Variants in FNBP4 observed in about 807,000 individuals in gnomAD.
FNBP4 encodes formin-binding protein 4.
A neutral mutation model predicts 119.3 loss-of-function variants in FNBP4; 34 were observed. The ratio of observed to expected loss-of-function variants is 0.28; its 90% confidence interval spans 0.22 to 0.38. The LOEUF is 0.38. FNBP4 is among the 10% of genes least tolerant of loss of function. The pLI, the probability that FNBP4 is intolerant of heterozygous loss-of-function variation, is 1.00. For synonymous variants in FNBP4, 462 were observed against 430.6 expected (o/e 1.07, Z -0.90); for missense variants, 1,112 against 1,228.9 (o/e 0.90, Z 1.42).
intron 6 of FNBP4, among the ~76,000 whole-genome samples, chr11:47,749,965 T>C (rs1298848892): frequency 6.6e-6 from 1 of 152,270 alleles, no homozygotes; most frequent in East Asian, 1.9e-4. Flanking sequence ...ATGTCTTATA[T>C]ATGGAATCCG....
intron 2 of FNBP4, 93 bp from the exon 3 acceptor site, chr11:47,754,757 C>G (rs1234412946): frequency 2.8e-6 from 4 of 1,409,824 alleles, no homozygotes; most frequent in Non-Finnish European, 3.9e-6. Flanking sequence ...TTTTTTTAAA[C>G]TTACTTACAG....
chr11:47,722,925 C>A, intron 15 of FNBP4, 51 bp downstream of exon 15: 1 of 1,446,072 alleles, frequency 6.9e-7, no homozygotes, highest in South Asian at 1.5e-5. Context: ...GTGAATATAA[C>A]CTCAATAAAA....
intron 2 of FNBP4, among the ~76,000 whole-genome samples, chr11:47,756,471 T>C (rs184075445): frequency 6.6e-6 from 1 of 152,308 alleles, no homozygotes; most frequent in East Asian, 1.9e-4. Flanking sequence ...ATTAATCATG[T>C]AGGAGTTCAT....
intron 8 of FNBP4, 59 bp from the exon 9 acceptor site, chr11:47,736,799 C>T (rs2135138388): frequency 4.9e-6 from 7 of 1,415,498 alleles, no homozygotes; most frequent in Non-Finnish European, 6.8e-6. Flanking sequence ...ACACTATATA[C>T]CTTTTCCCCC....
chr11:47,732,764 C>T lies in FNBP4; in HGVS notation c.1687-94G>A. 1 of 1,182,190 alleles carries T rather than the reference C, an allele frequency of 8.5e-7. No individual in the cohort carries two copies. The highest frequency in any genetic ancestry group is 1.2e-6 in the Non-Finnish European group (1 of 805,504). 73.2% of individuals were successfully genotyped at this position (1,182,190 alleles called of 1,614,324 possible). ...TAAACCTTCTGCTCCAAGACTATATCCCTGTGCTCTGGCAGGACAGTAGAC... is the reference window on the plus strand; with the variant it reads ...TAAACCTTCTGCTCCAAGACTATATTCCTGTGCTCTGGCAGGACAGTAGAC... On this transcript the variant is annotated intron_variant, in intron 10 of 16. Transcript: ENST00000263773. This position sits in a 1 kb window ranked among gnomAD's most constrained non-coding sequence, Gnocchi z 4.2.
At chr11:47,731,813 A>C in intron 11 of FNBP4, 1 of 1,201,090 alleles carries the variant, frequency 8.3e-7, no homozygotes, top group Non-Finnish European at 1.0e-6. Flanking sequence ...GAGACTTAGA[A>C]AACACTTTTC....
chr11:47,759,384 T>A (rs2097627918), intron 2 of FNBP4, among the ~76,000 whole-genome samples: 1 of 151,044 alleles, frequency 6.6e-6, no homozygotes, highest in Admixed American at 6.6e-5. Context: ...GCTAATTTTT[T>A]TGTATTTTTA....
intron 2 of FNBP4, among the ~76,000 whole-genome samples, chr11:47,761,545 T>C (rs1851334541): frequency 6.6e-6 from 1 of 151,078 alleles, no homozygotes; most frequent in South Asian, 2.1e-4. Context: ...TGAGCCAAGA[T>C]CACACCACTG....
intron 2 of FNBP4, among the ~76,000 whole-genome samples, chr11:47,755,785 A>C (rs2097616159): frequency 6.6e-6 from 1 of 151,836 alleles, no homozygotes; most frequent in Non-Finnish European, 1.5e-5. Context: ...AGTGAGACTG[A>C]CCATGTCTCC....
At chr11:47,728,414 T>A (rs1278687853) in intron 12 of FNBP4, among the ~76,000 whole-genome samples, 1 of 151,976 alleles carries the variant, frequency 6.6e-6, no homozygotes, top group Non-Finnish European at 1.5e-5. Context: ...GACACCTGGC[T>A]AATTTTTGTA....
chr11:47,720,673 A>C (rs904460361), intron 15 of FNBP4, among the ~76,000 whole-genome samples: 2 of 151,500 alleles, frequency 1.3e-5, no homozygotes, highest in Middle Eastern at 3.2e-3. Flanking sequence ...TCCCTATCCT[A>C]TGTAATTCAA....
chr11:47,719,564 TG>T (rs1223752452), intron 16 of FNBP4, among the ~76,000 whole-genome samples: 2 of 137,312 alleles, frequency 1.5e-5, no homozygotes, highest in Non-Finnish European at 3.1e-5. Flanking sequence ...TAAGTTAATA[TG>T]TTATGTGTGT....
chr11:47,760,805 C>A (rs1394865000), intron 2 of FNBP4, among the ~76,000 whole-genome samples: 1 of 152,136 alleles, frequency 6.6e-6, no homozygotes, highest in Non-Finnish European at 1.5e-5. Context: ...GTCAGGTGAT[C>A]CACCTGCCTT....
chr11:47,726,407 A>ATTTTTTTT (rs5791786), intron 12 of FNBP4: 1 of 135,678 alleles, frequency 7.4e-6, no homozygotes, highest in Non-Finnish European at 1.5e-5. Flanking sequence ...CTAATTTTTA[A>ATTTTTTTT]TTTTTTTTTT....
At chr11:47,722,584 A>T (rs1387315898) in intron 15 of FNBP4, among the ~76,000 whole-genome samples, 1 of 151,408 alleles carries the variant, frequency 6.6e-6, no homozygotes, top group East Asian at 1.9e-4. Context: ...TAAGCTGGAC[A>T]TTTCAATTTC....
rs2097555847 is a variant in FNBP4 at position 47,721,713 on chromosome 11, C to T, written c.2805+1263G>A. Among the ~76,000 whole-genome samples, 3 of 151,814 alleles carry T rather than the reference C, an allele frequency of 2.0e-5. No individual in the cohort carries two copies. In the South Asian group the frequency reaches 6.2e-4, roughly 31 times the overall value. ...GTCTAAATCGTCTATAATAAACATA[C>T]AGATTTTTTGCCCCTTTTCTTGAGA... On this transcript the variant is annotated intron_variant, in intron 15 of 16. Coordinates refer to ENST00000263773, the MANE Select transcript of FNBP4 (RefSeq NM_015308.5).
At chr11:47,734,272 C>A in intron 9 of FNBP4, 143 bp from the exon 10 acceptor site, 1 of 464,284 alleles carries the variant, frequency 2.2e-6, no homozygotes, top group South Asian at 5.0e-5. Flanking sequence ...ATTTAGTTAT[C>A]CAGAATATAA....
At chr11:47,723,567 TTTTG>T (rs2097558041) in intron 14 of FNBP4, among the ~76,000 whole-genome samples, 1 of 152,130 alleles carries the variant, frequency 6.6e-6, no homozygotes, top group Non-Finnish European at 1.5e-5. Flanking sequence ...GCTGAACGTT[TTTTG>T]TGTTTTTGAG....
At chr11:47,765,887 CTT>C (rs2097646828) in intron 1 of FNBP4, among the ~76,000 whole-genome samples, 2 of 88,268 alleles carry the variant, frequency 2.3e-5, no homozygotes, top group Non-Finnish European at 4.2e-5. Context: ...GAGTTTCGCT[CTT>C]GTCGCCCAGG....
Sources: allele counts gnomAD v4.1 joint callset (sites outside exome capture counted in the v4.1 genomes callset), GRCh38; gene constraint gnomAD v4.1.1; non-coding constraint Gnocchi (gnomAD v3.1); transcripts MANE v1.5; gene names NCBI Gene and HGNC (gene_info 2026-07-23, HGNC 2026-07-21).